RSPH14: variants seen among roughly 807,000 people sequenced by gnomAD.
The protein encoded by RSPH14 is rhabdoid tumor deletion region gene 1.
A neutral mutation model predicts 26.7 loss-of-function variants in RSPH14; 20 were observed. The ratio of observed to expected loss-of-function variants is 0.75; its 90% CI spans 0.53 to 1.09. The LOEUF (loss-of-function observed/expected upper bound fraction) is 1.09. Among genes scored for constraint, RSPH14 ranks in the 50% least tolerant of loss-of-function variants. The pLI is 0.00. For synonymous variants in RSPH14, 177 were observed against 189.3 expected (o/e 0.93, Z 0.53); for missense variants, 449 against 457.2 (o/e 0.98, Z 0.16).
At chr22:23,176,944 C>T in the RSPH14 span, among the ~76,000 whole-genome samples, 4,724 of 152,328 alleles carry the variant, frequency 0.031, 254 homozygotes, top group African/African-American at 0.11. Context: ...AGTAATCACA[C>T]GGGGCAGCTC....
In RSPH14 at chr22:23,138,958, AAAAC is replaced by A. The variant is rs762310548; in HGVS notation, c.200-20_200-17del. 2.6e-6 allele frequency: 4 copies of A among 1,528,934 alleles called. No homozygotes were observed. Among genetic ancestry groups the A allele is most frequent in the East Asian group, 4.9e-5 (2 of 40,822 alleles). The allele number at this position is 1,528,934 out of a possible 1,614,324, so 94.7% of individuals were successfully genotyped here. A position where few individuals can be genotyped will look rare whatever the true frequency, so the allele number is the denominator to read the frequency against. Reference sequence around the variant, plus strand: ...TCCATACAGCCTAGAAAAAAAAAAAAAAACAAACAAACCAACCCTTGAATTTTTG... The same window carrying A: ...TCCATACAGCCTAGAAAAAAAAAAAAAAACAAACCAACCCTTGAATTTTTG... On this transcript the variant is annotated splice_polypyrimidine_tract_variant and intron_variant, in intron 2 of 6. Transcript: ENST00000216036.
At chr22:23,103,301 C>T (rs1269723273) in intron 4 of RSPH14, among the ~76,000 whole-genome samples, 2 of 152,228 alleles carry the variant, frequency 1.3e-5, no homozygotes, top group Non-Finnish European at 2.9e-5. Context: ...CCCCCGCCTC[C>T]ATGCCAGTTG....
At chr22:23,139,066 T>A (rs2070540313) in intron 2 of RSPH14, 124 bp from the exon 3 acceptor site, 1 of 685,592 alleles carries the variant, frequency 1.5e-6, no homozygotes, top group Non-Finnish European at 2.5e-6. Context: ...TTCTGCTGCT[T>A]TGGGGCACTG....
At chr22:23,162,883 A>C in the RSPH14 span, 1 of 363,240 alleles carries the variant, frequency 2.8e-6, no homozygotes, top group African/African-American at 2.2e-5. Flanking sequence ...TCCCCCTTCA[A>C]CATATTTTTT....
chr22:23,134,942 T>G (rs1011156511), intron 3 of RSPH14, among the ~76,000 whole-genome samples: 1 of 151,182 alleles, frequency 6.6e-6, no homozygotes, highest in African/African-American at 2.4e-5. Context: ...GAGACTAAGG[T>G]GGTAGAATCA....
the RSPH14 span, among the ~76,000 whole-genome samples, chr22:23,171,413 A>C: frequency 6.6e-6 from 1 of 152,196 alleles, no homozygotes; most frequent in Non-Finnish European, 1.5e-5. Flanking sequence ...CCTAGATTCA[A>C]GCAACCCTCC....
At chr22:23,126,162 C>T (rs1284626528) in intron 4 of RSPH14, among the ~76,000 whole-genome samples, 4 of 152,236 alleles carry the variant, frequency 2.6e-5, no homozygotes, top group African/African-American at 9.6e-5. Context: ...CCGTGAGCAT[C>T]TTTAATCTAA....
chr22:23,160,730 T>C, the RSPH14 span: 1 of 1,092,398 alleles, frequency 9.2e-7, no homozygotes, highest in Non-Finnish European at 1.3e-6. Flanking sequence ...GGTGGGGCTG[T>C]GCCCTCCTGG....
In RSPH14 at chr22:23,096,989, G is replaced by A. The variant is rs1417849501; in HGVS notation, c.422-32856C>T. Among the ~76,000 whole-genome samples, 3 of 152,370 alleles carry A rather than the reference G, an allele frequency of 2.0e-5. No individual in the cohort carries two copies. The East Asian group carries it at 5.8e-4, about 29-fold the overall frequency. ...GTTGCTGGAGAGGGTGGGGAGCCGG[G>A]TGAAGCAGCAGGGCAGTGTGCTGAG... On this transcript the variant is annotated intron_variant, in intron 4 of 6. Transcript: ENST00000216036.
the RSPH14 span, among the ~76,000 whole-genome samples, chr22:23,173,619 T>C: frequency 1.2e-4 from 16 of 139,060 alleles, no homozygotes; most frequent in East Asian, 2.1e-3. Context: ...TTTTTTATTT[T>C]TGGTTTTTTG....
intron 4 of RSPH14, among the ~76,000 whole-genome samples, chr22:23,125,522 T>C (rs1238249069): frequency 6.6e-6 from 1 of 152,006 alleles, no homozygotes; most frequent in Non-Finnish European, 1.5e-5. Context: ...GACTGGCTTG[T>C]GTGGTTAGAG....
At chr22:23,111,904 G>A (rs1328629837) in intron 4 of RSPH14, among the ~76,000 whole-genome samples, 1 of 152,214 alleles carries the variant, frequency 6.6e-6, no homozygotes, top group African/African-American at 2.4e-5. Context: ...CCAAACCAGA[G>A]GTGTCTGATC....
chr22:23,076,487 G>A (rs2068510334), intron 4 of RSPH14, among the ~76,000 whole-genome samples: 1 of 152,114 alleles, frequency 6.6e-6, no homozygotes, highest in Non-Finnish European at 1.5e-5. Context: ...GTACCTTTGG[G>A]TCCCCAGAGA....
the RSPH14 span, among the ~76,000 whole-genome samples, chr22:23,167,053 GAA>G: frequency 6.6e-6 from 1 of 152,062 alleles, no homozygotes; most frequent in Non-Finnish European, 1.5e-5. Flanking sequence ...GCAGACAGCT[GAA>G]GAGATGGGAC....
the RSPH14 span, chr22:23,152,483 G>A: frequency 6.2e-7 from 1 of 1,614,208 alleles, no homozygotes; most frequent in South Asian, 1.1e-5. Context: ...CAAGGTGGTG[G>A]TGGTTGGCGA....
the RSPH14 span, chr22:23,152,935 TG>T: frequency 2.3e-6 from 2 of 853,388 alleles, no homozygotes; most frequent in Non-Finnish European, 1.9e-6. Context: ...TGATGGGAAG[TG>T]GACCTTATTT....
chr22:23,089,269 C>T (rs1172392201), intron 4 of RSPH14, among the ~76,000 whole-genome samples: 1 of 152,208 alleles, frequency 6.6e-6, no homozygotes, highest in Middle Eastern at 3.2e-3. Flanking sequence ...CTGTCTTCTT[C>T]TGCCTCAGCC....
At chr22:23,118,558 T>C (rs200136239) in intron 4 of RSPH14, among the ~76,000 whole-genome samples, 3 of 149,232 alleles carry the variant, frequency 2.0e-5, no homozygotes, top group African/African-American at 7.4e-5. Context: ...ACTGTGGCAG[T>C]TGGAAAATAC....
chr22:23,076,499 G>A (rs2068510460), intron 4 of RSPH14, among the ~76,000 whole-genome samples: 1 of 152,184 alleles, frequency 6.6e-6, no homozygotes. Context: ...CCCCAGAGAT[G>A]TGTCTCTGGG....
Sources: gnomAD v4.1 joint callset for allele counts (sites outside exome capture counted in the v4.1 genomes callset) on GRCh38, gnomAD v4.1.1 for gene constraint, MANE v1.5 for transcripts, NCBI Gene and HGNC (gene_info 2026-07-23, HGNC 2026-07-21) for gene names.